The following CASK variants were observed in gnomAD, a reference collection of about 807,000 sequenced individuals.
CASK encodes the protein calcium/calmodulin dependent serine protein kinase.
CASK carries 4 observed loss-of-function variants against 82.9 expected under a neutral mutation model. The observed-to-expected ratio is 0.05, with a 90% CI of 0.02 to 0.11. The LOEUF is 0.11. Ranked by LOEUF, CASK falls within the 10% of genes least tolerant of loss-of-function variation. The pLI is 1.00. For synonymous variants in CASK, 259 were observed against 253.5 expected (o/e 1.02, Z -0.20); for missense variants, 358 against 720.9 (o/e 0.50, Z 5.76).
At chrX:41,833,356 T>C (rs780480474) in intron 2 of CASK, among the ~76,000 whole-genome samples, 8 of 112,017 alleles carry the variant, frequency 7.1e-5, no homozygotes, top group Non-Finnish European at 1.1e-4. Context: ...TGGATGAACC[T>C]TGAAAATATG....
intron 1 of CASK, among the ~76,000 whole-genome samples, chrX:41,861,920 T>C (rs1401538533): frequency 1.9e-5 from 2 of 102,905 alleles, no homozygotes; most frequent in African/African-American, 7.0e-5. Context: ...ATACATTATA[T>C]GTATATATAC....
chrX:41,819,828 T>C (rs1406156513), intron 2 of CASK, among the ~76,000 whole-genome samples: 1 of 111,741 alleles, frequency 8.9e-6, no homozygotes, highest in Non-Finnish European at 1.9e-5. Flanking sequence ...AGGAGAACTA[T>C]ACAAAAACTC....
intron 16 of CASK, among the ~76,000 whole-genome samples, chrX:41,568,721 C>G: frequency 8.9e-6 from 1 of 112,153 alleles, no homozygotes; most frequent in East Asian, 2.8e-4. Context: ...ATTCTTCGAG[C>G]TGGGCAAGGT....
chrX:41,848,787 G>A (rs889639947), intron 2 of CASK, among the ~76,000 whole-genome samples: 2 of 111,552 alleles, frequency 1.8e-5, no homozygotes, highest in Non-Finnish European at 3.8e-5. Flanking sequence ...GGTTTTCATC[G>A]TGATTGTGAA....
intron 2 of CASK, among the ~76,000 whole-genome samples, chrX:41,797,146 GT>G (rs5902283): frequency 0.29 from 28,975 of 100,219 alleles, 3,233 homozygotes; most frequent in Middle Eastern, 0.39. Context: ...TTTAGCTCTT[GT>G]TTTTTTTTTT....
chrX:41,527,316 AAG>A (rs1371450776), intron 25 of CASK, among the ~76,000 whole-genome samples: 1 of 109,662 alleles, frequency 9.1e-6, no homozygotes, highest in Non-Finnish European at 1.9e-5. Context: ...CAGGGAGAGA[AAG>A]AGCACGCTCT....
intron 12 of CASK, among the ~76,000 whole-genome samples, chrX:41,600,662 G>A (rs1170958650): frequency 8.9e-6 from 1 of 112,118 alleles, no homozygotes; most frequent in African/African-American, 3.2e-5. Flanking sequence ...GAATTGGAGG[G>A]ACTTCCGTAG....
At chrX:41,830,830 A>C (rs755683585) in intron 2 of CASK, among the ~76,000 whole-genome samples, 3 of 109,256 alleles carry the variant, frequency 2.7e-5, no homozygotes, top group South Asian at 4.0e-4. Context: ...AAAAAAAAAA[A>C]AAAAAACAAA....
chrX:41,602,997 C>G (rs1234443401), intron 12 of CASK, among the ~76,000 whole-genome samples: 1 of 111,543 alleles, frequency 9.0e-6, no homozygotes, highest in Non-Finnish European at 1.9e-5. Context: ...AGCACAAAGA[C>G]CACCACCACT....
chrX:41,849,891 T>C (rs1337332657), intron 2 of CASK, among the ~76,000 whole-genome samples: 1 of 112,230 alleles, frequency 8.9e-6, no homozygotes, highest in Non-Finnish European at 1.9e-5. Flanking sequence ...CAAAAGTAAA[T>C]TTGTGGGCTG....
At chrX:41,753,654 G>A (rs2068835478) in intron 3 of CASK, among the ~76,000 whole-genome samples, 1 of 112,504 alleles carries the variant, frequency 8.9e-6, no homozygotes, top group African/African-American at 3.2e-5. Context: ...GGGAGGCCAA[G>A]GTGAGAGGAT....
intron 24 of CASK, among the ~76,000 whole-genome samples, chrX:41,532,079 G>C (rs774432301): frequency 9.0e-6 from 1 of 111,577 alleles, no homozygotes; most frequent in East Asian, 2.8e-4. Flanking sequence ...GGGATTATAG[G>C]CGTGTACCAC....
chrX:41,883,898 T>C (rs1039224779), intron 1 of CASK, among the ~76,000 whole-genome samples: 3 of 111,670 alleles, frequency 2.7e-5, no homozygotes, highest in Non-Finnish European at 5.7e-5. Flanking sequence ...TCATTCTAAT[T>C]GTTGCTTTGA....
At chrX:41,731,046 A>C (rs1333450092) in intron 5 of CASK, among the ~76,000 whole-genome samples, 2 of 112,355 alleles carry the variant, frequency 1.8e-5, no homozygotes, top group African/African-American at 6.5e-5. Context: ...ACCAAAACTC[A>C]TCCGACTAAG....
chrX:41,712,572 C>T (rs1467988396), intron 5 of CASK, among the ~76,000 whole-genome samples: 2 of 112,796 alleles, frequency 1.8e-5, no homozygotes, highest in South Asian at 3.6e-4. Flanking sequence ...TTGTCCATTA[C>T]TGGGCATAGG....
chrX:41,557,871 G>A (rs2065177988), intron 18 of CASK, among the ~76,000 whole-genome samples: 1 of 111,725 alleles, frequency 9.0e-6, no homozygotes, highest in South Asian at 3.7e-4. Context: ...AACAAGGAGA[G>A]GAAGGAAATA....
In CASK at chrX:41,655,568, T is replaced by C. The variant is rs899159316; in HGVS notation, c.831+4871A>G. Among the ~76,000 whole-genome samples, 8 of 111,696 alleles carry C rather than the reference T, an allele frequency of 7.2e-5. No individual in the cohort carries two copies. The Admixed American group carries it at 7.6e-4, about 11-fold the overall frequency. On this transcript the variant is annotated intron_variant, in intron 8 of 26. Coordinates refer to ENST00000378163, the MANE Select transcript of CASK (RefSeq NM_001367721.1). The stretch of plus-strand genomic sequence containing the variant: ...TCCATAATAAAATGGAAATGGTTTA[T>C]GCAGGAACATCCTCTCCGGGAAGTG...
At chrX:41,891,186 G>A (rs761800842) in intron 1 of CASK, among the ~76,000 whole-genome samples, 5 of 109,806 alleles carry the variant, frequency 4.6e-5, no homozygotes, top group East Asian at 2.8e-4. Context: ...CACTGCATCC[G>A]GCCTATAATT....
rs913606958 is a variant in CASK, at chrX:41,660,194, C to G, written c.831+245G>C. ...TGTTGGCAGAGAAAAAAGAGGCCTTCCCCTGATATATTCTGTCTTAATCCT... is the reference window on the plus strand; with the variant it reads ...TGTTGGCAGAGAAAAAAGAGGCCTTGCCCTGATATATTCTGTCTTAATCCT... On this transcript the variant is annotated intron_variant, in intron 8 of 26. Transcript: ENST00000378163. 4 of 423,477 alleles carry G rather than the reference C, an allele frequency of 9.4e-6. No homozygotes were observed. In the African/African-American group the frequency reaches 1.0e-4, roughly 11 times the overall value. 34.9% of individuals were successfully genotyped at this position (423,477 alleles called of 1,213,427 possible).
Sources: gnomAD v4.1 joint callset for allele counts (sites outside exome capture counted in the v4.1 genomes callset) on GRCh38, gnomAD v4.1.1 for gene constraint, MANE v1.5 for transcripts, NCBI Gene and HGNC (gene_info 2026-07-23, HGNC 2026-07-21) for gene names.